Variants in TRPM3 observed in about 807,000 individuals in gnomAD.
TRPM3 encodes long transient receptor potential channel 3.
TRPM3 carries 77 observed loss-of-function variants against 181.2 expected under a neutral mutation model. The observed-to-expected ratio is 0.42, with a 90% CI of 0.35 to 0.51. The LOEUF is 0.51. Ranked by LOEUF, TRPM3 falls within the 20% of genes least tolerant of loss-of-function variation. The probability of loss-of-function intolerance (pLI) is 0.01; values close to 1 mark genes in which losing one functional copy is unlikely to be tolerated. For synonymous variants in TRPM3, 745 were observed against 796.4 expected, an observed-to-expected ratio of 0.94 and a Z score of 1.09; for missense variants, 1,759 against 2,196.7, an observed-to-expected ratio of 0.80 and a Z score of 3.98.
chr9:71,181,758 A>T (rs1376921208), intron 1 of TRPM3, among the ~76,000 whole-genome samples: 1 of 152,130 alleles, frequency 6.6e-6, no homozygotes, highest in African/African-American at 2.4e-5. Context: ...GTACACACTC[A>T]CATGGGATGT....
chr9:70,806,255 T>A (rs7863403), intron 6 of TRPM3, among the ~76,000 whole-genome samples: 5 of 151,946 alleles, frequency 3.3e-5, no homozygotes, highest in Admixed American at 2.6e-4. Context: ...TGAGGAGAAG[T>A]GCTGTTTGTT....
intron 1 of TRPM3, among the ~76,000 whole-genome samples, chr9:71,327,312 G>A (rs553862645): frequency 6.6e-6 from 1 of 152,346 alleles, no homozygotes; most frequent in African/African-American, 2.4e-5. Flanking sequence ...CATTGTGCTA[G>A]TGACTTAATG....
At chr9:70,694,336 T>C (rs1232892961) in intron 8 of TRPM3, among the ~76,000 whole-genome samples, 1 of 152,204 alleles carries the variant, frequency 6.6e-6, no homozygotes, top group African/African-American at 2.4e-5. Flanking sequence ...TTTTAAGCTC[T>C]AGAAGCCATA....
intron 1 of TRPM3, among the ~76,000 whole-genome samples, chr9:71,311,192 G>C (rs1443267304): frequency 6.6e-6 from 1 of 151,952 alleles, no homozygotes; most frequent in Non-Finnish European, 1.5e-5. Context: ...AAAAAATTGT[G>C]CACAAAGTGA....
rs759865008 is a variant in TRPM3 at position 70,827,838 on chromosome 9, G to A, written c.973+9C>T. 3.0e-5 allele frequency: 49 copies of A among 1,612,702 alleles called. No individual in the cohort carries two copies. The highest frequency in any genetic ancestry group is 2.5e-4 in the East Asian group (11 of 44,884). Reference sequence around the variant, plus strand: ...ACGAGCCATGCCAGTGGGAACAACCGCTACTTACTTGTGTTTATCTTCTGG... The same window carrying A: ...ACGAGCCATGCCAGTGGGAACAACCACTACTTACTTGTGTTTATCTTCTGG... On this transcript the variant is annotated intron_variant, in intron 6 of 25. Coordinates refer to ENST00000677713, the MANE Select transcript of TRPM3 (RefSeq NM_001366145.2).
chr9:71,142,231 T>A (rs1362691281), intron 1 of TRPM3, among the ~76,000 whole-genome samples: 2 of 152,170 alleles, frequency 1.3e-5, no homozygotes, highest in East Asian at 3.9e-4. Context: ...CTTGAGCTGG[T>A]CAGTCTCTTG....
intron 1 of TRPM3, among the ~76,000 whole-genome samples, chr9:71,097,920 G>A (rs755977193): frequency 6.6e-5 from 10 of 152,118 alleles, no homozygotes; most frequent in Admixed American, 6.6e-4. Flanking sequence ...CAGGATCTAT[G>A]ATTAAATCTG....
intron 1 of TRPM3, among the ~76,000 whole-genome samples, chr9:71,384,545 A>T (rs1367706174): frequency 6.6e-6 from 1 of 152,170 alleles, no homozygotes; most frequent in Non-Finnish European, 1.5e-5. Context: ...TAACCTATAC[A>T]TCTTTCTAGC....
chr9:71,148,524 T>G (rs2075559287), intron 1 of TRPM3, among the ~76,000 whole-genome samples: 1 of 152,180 alleles, frequency 6.6e-6, no homozygotes, highest in South Asian at 2.1e-4. Context: ...CTGCCTACTG[T>G]TCACAGAATT....
chr9:70,603,281 A>C, intron 20 of TRPM3, 61 bp downstream of exon 20: 1 of 1,568,732 alleles, frequency 6.4e-7, no homozygotes, highest in Non-Finnish European at 8.7e-7. Context: ...TGTCCCCTCC[A>C]TCCACAGATA....
At chr9:70,946,249 C>T (rs2096931040) in intron 1 of TRPM3, among the ~76,000 whole-genome samples, 1 of 151,928 alleles carries the variant, frequency 6.6e-6, no homozygotes, top group South Asian at 2.1e-4. Flanking sequence ...AAGTGATCCT[C>T]CCACCTCAGC....
At chr9:71,080,278 A>G (rs1273427374) in intron 1 of TRPM3, among the ~76,000 whole-genome samples, 1 of 152,148 alleles carries the variant, frequency 6.6e-6, no homozygotes, top group Non-Finnish European at 1.5e-5. Flanking sequence ...CAGTAACACT[A>G]AAGGATGCTA....
chr9:70,584,369 A>G (rs990155890), intron 22 of TRPM3, among the ~76,000 whole-genome samples: 2 of 152,090 alleles, frequency 1.3e-5, no homozygotes, highest in Admixed American at 1.3e-4. Flanking sequence ...TTTCCAAACC[A>G]CTGTTTTTCA....
At chr9:70,860,841 T>C (rs2095502487) in intron 3 of TRPM3, among the ~76,000 whole-genome samples, 1 of 152,188 alleles carries the variant, frequency 6.6e-6, no homozygotes, top group Non-Finnish European at 1.5e-5. Flanking sequence ...TATTGTGTGC[T>C]CAGCACTGTG....
At chr9:70,838,085 A>T (rs1464904247) in intron 5 of TRPM3, among the ~76,000 whole-genome samples, 1 of 152,242 alleles carries the variant, frequency 6.6e-6, no homozygotes, top group Non-Finnish European at 1.5e-5. Context: ...GAAGACAGGC[A>T]GAACAAGTGT....
At chr9:71,360,918 G>A (rs555186611) in intron 1 of TRPM3, among the ~76,000 whole-genome samples, 4 of 152,148 alleles carry the variant, frequency 2.6e-5, no homozygotes, top group Non-Finnish European at 5.9e-5. Context: ...GAAGTGAGCT[G>A]GTAGACATAT....
chr9:71,206,185 T>C (rs191804938), intron 1 of TRPM3, among the ~76,000 whole-genome samples: 30 of 152,290 alleles, frequency 2.0e-4, no homozygotes, highest in African/African-American at 6.7e-4. Flanking sequence ...TTTTCTACAA[T>C]GGTTGAACTA....
In TRPM3 at chr9:70,753,368, A is replaced by G. The variant is rs530367230; in HGVS notation, c.1272+8233T>C. Among the ~76,000 whole-genome samples, 24 of 152,294 alleles carry G rather than the reference A, an allele frequency of 1.6e-4. No homozygotes were observed. In the South Asian group the frequency reaches 1.9e-3, roughly 12 times the overall value. The stretch of plus-strand genomic sequence containing the variant: ...GAAGTGGCTGTGGTTTGAAACTTGG[A>G]AAGAATATAAAAGATTTAGAACAAT... On this transcript the variant is annotated intron_variant, in intron 8 of 25. Coordinates refer to ENST00000677713, the MANE Select transcript of TRPM3 (RefSeq NM_001366145.2).
chr9:71,354,859 T>C (rs2091828812), intron 1 of TRPM3, among the ~76,000 whole-genome samples: 1 of 152,230 alleles, frequency 6.6e-6, no homozygotes, highest in African/African-American at 2.4e-5. Flanking sequence ...TTCCACAAGG[T>C]GGCAAAGGTA....
Sources: allele counts gnomAD v4.1 joint callset (sites outside exome capture counted in the v4.1 genomes callset), GRCh38; gene constraint gnomAD v4.1.1; transcripts MANE v1.5; gene names NCBI Gene and HGNC (gene_info 2026-07-23, HGNC 2026-07-21).